The following PARD3 variants were observed in gnomAD, a reference collection of about 807,000 sequenced individuals.
PARD3 encodes par-3 family cell polarity regulator.
In PARD3, 75 loss-of-function variants were observed where a neutral mutation model predicts 155.4. The ratio of observed to expected loss-of-function variants is 0.48; its 90% CI spans 0.40 to 0.58. The LOEUF is 0.58. Among genes scored for constraint, PARD3 ranks in the 20% least tolerant of loss-of-function variants. The pLI is 0.00. For synonymous variants in PARD3, 576 were observed against 610.5 expected (o/e 0.94, Z 0.83); for missense variants, 1,642 against 1,721.7 (o/e 0.95, Z 0.82).
chr10:34,814,367 G>A (rs1205428297), intron 1 of PARD3, among the ~76,000 whole-genome samples: 1 of 151,676 alleles, frequency 6.6e-6, no homozygotes, highest in Non-Finnish European at 1.5e-5. Flanking sequence ...GCCCCCGCCC[G>A]AGTAAGGGAG....
chr10:34,513,904 T>A (rs953003791), intron 3 of PARD3, among the ~76,000 whole-genome samples: 1 of 152,120 alleles, frequency 6.6e-6, no homozygotes, highest in Non-Finnish European at 1.5e-5. Context: ...AAAAATATCA[T>A]CAGACACTGA....
chr10:34,612,619 T>C (rs1186107658), intron 2 of PARD3, among the ~76,000 whole-genome samples: 1 of 152,232 alleles, frequency 6.6e-6, no homozygotes, highest in Non-Finnish European at 1.5e-5. Context: ...TGATGATTAA[T>C]TTCCTTATCT....
intron 22 of PARD3, among the ~76,000 whole-genome samples, chr10:34,136,690 G>A (rs530466413): frequency 7.2e-5 from 11 of 152,174 alleles, no homozygotes; most frequent in Admixed American, 2.0e-4. Context: ...AAATACAGTC[G>A]CTCAGGTTTT....
intron 12 of PARD3, among the ~76,000 whole-genome samples, chr10:34,367,691 A>C (rs1840110601): frequency 6.6e-6 from 1 of 152,164 alleles, no homozygotes; most frequent in Non-Finnish European, 1.5e-5. Flanking sequence ...CAACAGAGTG[A>C]GACTTGGTCA....
intron 2 of PARD3, among the ~76,000 whole-genome samples, chr10:34,660,903 T>C (rs891208456): frequency 1.3e-5 from 2 of 152,214 alleles, no homozygotes; most frequent in South Asian, 2.1e-4. Flanking sequence ...TTTTTAAATT[T>C]TTTTTGGTTG....
At position 34,271,287 on chromosome 10, in the gene PARD3, G is replaced by T. The variant is rs75067156; in HGVS notation, c.3177-1388C>A. Among the ~76,000 whole-genome samples the T allele has an allele frequency of 3.6e-3, 543 of 152,062 alleles. 4 individuals carry two copies. Among genetic ancestry groups the T allele is most frequent in the African/African-American group, 0.012 (480 of 41,538 alleles). On this transcript the variant is annotated intron_variant, in intron 21 of 24. Transcript: ENST00000374788. ...ATAGGCCAATATTCCTCATGAATAT[G>T]AAAGCAAAAAACCCTTAATGAAATA...
chr10:34,115,390 G>T (rs1326121200), intron 24 of PARD3, among the ~76,000 whole-genome samples: 1 of 152,130 alleles, frequency 6.6e-6, no homozygotes, highest in Non-Finnish European at 1.5e-5. Flanking sequence ...GACTACGCAC[G>T]CCTCTATTCC....
At chr10:34,528,734 G>T (rs1008099933) in intron 2 of PARD3, among the ~76,000 whole-genome samples, 1 of 152,148 alleles carries the variant, frequency 6.6e-6, no homozygotes, top group African/African-American at 2.4e-5. Flanking sequence ...AAACTGCGGG[G>T]TGTCATTAAC....
At chr10:34,704,150 G>A (rs547656957) in intron 1 of PARD3, among the ~76,000 whole-genome samples, 70 of 152,220 alleles carry the variant, frequency 4.6e-4, no homozygotes, top group Middle Eastern at 3.4e-3. Flanking sequence ...CTTCAAAATG[G>A]CACTGAAAGA....
chr10:34,478,618 A>C (rs1335537309), intron 3 of PARD3, among the ~76,000 whole-genome samples: 2 of 152,168 alleles, frequency 1.3e-5, no homozygotes, highest in African/African-American at 4.8e-5. Flanking sequence ...ATCTCGGCTC[A>C]CTGCAACCTC....
intron 22 of PARD3, among the ~76,000 whole-genome samples, chr10:34,137,731 C>T (rs897293014): frequency 1.3e-5 from 2 of 152,142 alleles, no homozygotes; most frequent in African/African-American, 4.8e-5. Context: ...CTAAGAGACA[C>T]ATGGAGTGAA....
At chr10:34,678,073 T>A (rs2093743220) in intron 2 of PARD3, among the ~76,000 whole-genome samples, 1 of 151,964 alleles carries the variant, frequency 6.6e-6, no homozygotes, top group African/African-American at 2.4e-5. Flanking sequence ...TATTTATTTA[T>A]TTAATTTATT....
chr10:34,170,645 C>T (rs750489489), intron 22 of PARD3, among the ~76,000 whole-genome samples: 21 of 152,180 alleles, frequency 1.4e-4, no homozygotes, highest in African/African-American at 3.9e-4. Flanking sequence ...TGGGTTGATC[C>T]TAGAAGGAAA....
chr10:34,197,729 G>GTTAT (rs1368191175), intron 22 of PARD3, among the ~76,000 whole-genome samples: 1 of 152,128 alleles, frequency 6.6e-6, no homozygotes, highest in Non-Finnish European at 1.5e-5. Flanking sequence ...GAGGTGAGCT[G>GTTAT]TTATTTATTT....
intron 22 of PARD3, among the ~76,000 whole-genome samples, chr10:34,201,353 T>C (rs554474149): frequency 2.0e-5 from 3 of 152,324 alleles, no homozygotes; most frequent in Middle Eastern, 3.4e-3. Flanking sequence ...GAAAAACTTA[T>C]TGGAAGGGAA....
chr10:34,679,758 G>A (rs1468483387), intron 2 of PARD3, among the ~76,000 whole-genome samples: 3 of 152,128 alleles, frequency 2.0e-5, no homozygotes, highest in Non-Finnish European at 4.4e-5. Flanking sequence ...TTGAGCTCGA[G>A]AACAGGTCAC....
At chr10:34,631,296 T>C (rs1049552440) in intron 2 of PARD3, among the ~76,000 whole-genome samples, 1 of 152,098 alleles carries the variant, frequency 6.6e-6, no homozygotes, top group Admixed American at 6.6e-5. Context: ...CACAATCACA[T>C]ACGGCCCGAA....
At chr10:34,398,887 A>C (rs1378819298) in intron 7 of PARD3, among the ~76,000 whole-genome samples, 1 of 152,206 alleles carries the variant, frequency 6.6e-6, no homozygotes, top group Non-Finnish European at 1.5e-5. Context: ...TTAACAATAA[A>C]AAAACTCATA....
chr10:34,573,163 G>A (rs762173295), intron 2 of PARD3, among the ~76,000 whole-genome samples: 1 of 151,856 alleles, frequency 6.6e-6, no homozygotes, highest in Admixed American at 6.6e-5. Context: ...GATCAGCCTG[G>A]GCAACATAGC....
Sources: gnomAD v4.1 joint callset for allele counts (sites outside exome capture counted in the v4.1 genomes callset) on GRCh38, gnomAD v4.1.1 for gene constraint, MANE v1.5 for transcripts, NCBI Gene and HGNC (gene_info 2026-07-23, HGNC 2026-07-21) for gene names.